The following ENOX1 variants were observed in gnomAD, a reference collection of about 807,000 sequenced individuals.
ENOX1 encodes the protein ecto-NOX disulfide-thiol exchanger 1, also known as candidate growth-related and time keeping constitutive hydroquinone (NADH) oxidase.
In ENOX1, 42 loss-of-function variants were observed where a neutral mutation model predicts 82.5. The observed-to-expected ratio is 0.51, with a 90% CI of 0.40 to 0.66. The LOEUF (loss-of-function observed/expected upper bound fraction) is 0.66. Among genes scored for constraint, ENOX1 ranks in the 30% least tolerant of loss-of-function variants. ENOX1 has a pLI of 0.00. For missense variants in ENOX1, 608 were observed against 811.6 expected (o/e 0.75, Z 3.05); for synonymous variants, 271 against 282.2 (o/e 0.96, Z 0.40).
At chr13:43,509,859 C>T (rs2077300170) in intron 2 of ENOX1, among the ~76,000 whole-genome samples, 1 of 151,902 alleles carries the variant, frequency 6.6e-6, no homozygotes, top group Non-Finnish European at 1.5e-5. Flanking sequence ...AAAAATGTCT[C>T]CCCAACCCCC....
intron 1 of ENOX1, among the ~76,000 whole-genome samples, chr13:43,747,583 T>C (rs1275830626): frequency 6.6e-6 from 1 of 152,222 alleles, no homozygotes; most frequent in African/African-American, 2.4e-5. Flanking sequence ...CAACAAACCA[T>C]GCAGAGGAGA....
At chr13:43,501,956 T>C (rs1020135548) in intron 2 of ENOX1, among the ~76,000 whole-genome samples, 9 of 149,864 alleles carry the variant, frequency 6.0e-5, no homozygotes, top group African/African-American at 2.2e-4. Flanking sequence ...TAACAAAGAG[T>C]TGGTTTTTTG....
intron 2 of ENOX1, among the ~76,000 whole-genome samples, chr13:43,537,007 C>A (rs1228052158): frequency 6.6e-6 from 1 of 152,120 alleles, no homozygotes; most frequent in Non-Finnish European, 1.5e-5. Context: ...ACAATGATGT[C>A]AGAAAAATGA....
intron 2 of ENOX1, among the ~76,000 whole-genome samples, chr13:43,637,319 T>C (rs997410793): frequency 4.6e-5 from 7 of 152,212 alleles, no homozygotes; most frequent in African/African-American, 1.7e-4. Flanking sequence ...ATTAAGACTT[T>C]ACAAAGTTTC....
At chr13:43,761,296 C>A (rs1001845645) in intron 1 of ENOX1, among the ~76,000 whole-genome samples, 2 of 152,184 alleles carry the variant, frequency 1.3e-5, no homozygotes, top group African/African-American at 4.8e-5. Flanking sequence ...AGGAAACCAC[C>A]TTTATTTCAT....
At chr13:43,604,819 A>G (rs924617476) in intron 2 of ENOX1, among the ~76,000 whole-genome samples, 1 of 152,160 alleles carries the variant, frequency 6.6e-6, no homozygotes, top group Non-Finnish European at 1.5e-5. Context: ...ATTAGGGGGG[A>G]ATAAGTCAAA....
chr13:43,659,003 AT>A lies in ENOX1; in HGVS notation c.-219+8475del, dbSNP rs1339497227. ...TTATGTTCTCTGAATCTGGTGTACT[AT>A]TTTTGGATGTAAGAACCAATCCTCT... On this transcript the variant is annotated intron_variant, in intron 2 of 16. Coordinates refer to ENST00000690772, the MANE Select transcript of ENOX1 (RefSeq NM_001347969.2). Among the ~76,000 whole-genome samples the A allele has an allele frequency of 2.6e-5, 4 of 151,954 alleles. No homozygotes were observed. In the East Asian group the frequency reaches 7.7e-4, roughly 29 times the overall value.
chr13:43,338,319 G>A (rs1016799037), intron 9 of ENOX1, among the ~76,000 whole-genome samples: 1 of 152,166 alleles, frequency 6.6e-6, no homozygotes, highest in Admixed American at 6.5e-5. Context: ...TGTGAAGTAT[G>A]CATTTTTAAA....
At chr13:43,326,379 T>A (rs756826366) in intron 10 of ENOX1, 40 bp downstream of exon 10, 17 of 1,548,556 alleles carry the variant, frequency 1.1e-5, no homozygotes, top group Non-Finnish European at 1.5e-5. Flanking sequence ...CCAATCCAGC[T>A]GTGTGATGGT....
At chr13:43,303,528 G>A (rs1164799446) in intron 11 of ENOX1, among the ~76,000 whole-genome samples, 1 of 152,288 alleles carries the variant, frequency 6.6e-6, no homozygotes, top group East Asian at 1.9e-4. Context: ...TCAATGGAGT[G>A]TGAGGGGGAG....
At chr13:43,486,970 C>T (rs759640095) in intron 2 of ENOX1, among the ~76,000 whole-genome samples, 6 of 152,126 alleles carry the variant, frequency 3.9e-5, no homozygotes, top group Non-Finnish European at 5.9e-5. Context: ...GTCAGGAGTT[C>T]GAGACCAGCC....
chr13:43,580,252 ATCATATT>A (rs2080650919), intron 2 of ENOX1, among the ~76,000 whole-genome samples: 1 of 152,232 alleles, frequency 6.6e-6, no homozygotes, highest in East Asian at 1.9e-4. Flanking sequence ...ACTGGGTTTT[ATCATATT>A]CACATTGTCT....
intron 1 of ENOX1, among the ~76,000 whole-genome samples, chr13:43,729,865 T>C (rs1008152937): frequency 6.6e-6 from 1 of 152,234 alleles, no homozygotes; most frequent in African/African-American, 2.4e-5. Flanking sequence ...CTCTGTACCA[T>C]TCCAATTTTA....
chr13:43,247,868 TATATATATATA>T (rs2043204445), intron 14 of ENOX1, among the ~76,000 whole-genome samples: 8 of 2,394 alleles, frequency 3.3e-3, no homozygotes, highest in Non-Finnish European at 4.2e-3. Flanking sequence ...TATATATATA[TATATATATATA>T]TATATTTTTT....
chr13:43,755,322 T>C (rs58674823), intron 1 of ENOX1, among the ~76,000 whole-genome samples: 7,978 of 152,126 alleles, frequency 0.052, 203 homozygotes, highest in African/African-American at 0.075. Flanking sequence ...GAGAAAAACA[T>C]ACAGAAATAA....
chr13:43,457,885 T>C (rs2057302204), intron 3 of ENOX1, among the ~76,000 whole-genome samples: 1 of 152,220 alleles, frequency 6.6e-6, no homozygotes, highest in Non-Finnish European at 1.5e-5. Flanking sequence ...CTTACCACTC[T>C]GAAATATATC....
At chr13:43,460,619 C>T (rs1319633267) in intron 3 of ENOX1, among the ~76,000 whole-genome samples, 6 of 151,774 alleles carry the variant, frequency 4.0e-5, no homozygotes. Context: ...ACGGTAAAAC[C>T]CTGTCTCTAC....
intron 2 of ENOX1, among the ~76,000 whole-genome samples, chr13:43,657,828 A>T (rs1235666422): frequency 6.6e-6 from 1 of 152,240 alleles, no homozygotes; most frequent in East Asian, 1.9e-4. Context: ...CACACAGTTT[A>T]TAAATTCGGG....
intron 2 of ENOX1, among the ~76,000 whole-genome samples, chr13:43,579,031 C>T (rs572410638): frequency 1.3e-5 from 2 of 151,208 alleles, no homozygotes; most frequent in East Asian, 3.9e-4. Context: ...CTTGTGTGGC[C>T]TTGGGTAAGC....
Sources: allele counts gnomAD v4.1 joint callset (sites outside exome capture counted in the v4.1 genomes callset), GRCh38; gene constraint gnomAD v4.1.1; transcripts MANE v1.5; gene names NCBI Gene and HGNC (gene_info 2026-07-23, HGNC 2026-07-21).